ACCSL: variants seen among roughly 807,000 people sequenced by gnomAD.
The protein encoded by ACCSL is probable inactive 1-aminocyclopropane-1-carboxylate synthase-like protein 2.
ACCSL carries 55 observed loss-of-function variants against 61.7 expected under a neutral mutation model. The ratio of observed to expected loss-of-function variants is 0.89; its 90% confidence interval spans 0.72 to 1.12. ACCSL has a LOEUF of 1.12. ACCSL is among the 50% of genes most tolerant of loss of function. The probability of loss-of-function intolerance (pLI) is 0.00; values close to 1 mark genes in which losing one functional copy is unlikely to be tolerated. For synonymous variants in ACCSL, 258 were observed against 264.3 expected, an observed-to-expected ratio of 0.98 and a Z score of 0.23; for missense variants, 632 against 698.0, an observed-to-expected ratio of 0.91 and a Z score of 1.07.
the ACCSL span, among the ~76,000 whole-genome samples, chr11:43,926,790 C>T: frequency 6.6e-6 from 1 of 152,192 alleles, no homozygotes; most frequent in East Asian, 1.9e-4. Flanking sequence ...CACTCTTTTG[C>T]CCAGGTTGGA....
At chr11:44,048,680 A>G in intron 1 of ACCSL, 140 bp downstream of exon 1, 1 of 889,104 alleles carries the variant, frequency 1.1e-6, no homozygotes, top group Non-Finnish European at 1.7e-6. Context: ...CTTGCAGATA[A>G]GGGAATAATT....
chr11:43,938,099 AG>A, the ACCSL span, among the ~76,000 whole-genome samples: 1 of 152,158 alleles, frequency 6.6e-6, no homozygotes, highest in African/African-American at 2.4e-5. Flanking sequence ...AGCTGCAAGG[AG>A]AGTTGGGTCA....
the ACCSL span, chr11:43,973,743 G>GA: frequency 1.1e-4 from 16 of 152,172 alleles, no homozygotes; most frequent in African/African-American, 3.9e-4. Flanking sequence ...CTTAAAGAAT[G>GA]ATGATTTGGG....
the ACCSL span, chr11:43,942,590 T>G: frequency 3.2e-6 from 1 of 315,058 alleles, no homozygotes; most frequent in East Asian, 1.6e-4. Flanking sequence ...CAGAGCCGTG[T>G]GGGCAGCCGC....
chr11:44,044,854 A>G (rs1952589706), upstream of ACCSL, among the ~76,000 whole-genome samples: 1 of 152,156 alleles, frequency 6.6e-6, no homozygotes, highest in Non-Finnish European at 1.5e-5. Context: ...TACTGGGCTG[A>G]TCCTGGGATA....
At chr11:43,990,310 T>G in the ACCSL span, among the ~76,000 whole-genome samples, 3 of 152,318 alleles carry the variant, frequency 2.0e-5, no homozygotes, top group Admixed American at 2.0e-4. Context: ...ATCATAGTAA[T>G]TTATGTCTCA....
At chr11:43,940,210 G>A in the ACCSL span, among the ~76,000 whole-genome samples, 1 of 151,444 alleles carries the variant, frequency 6.6e-6, no homozygotes, top group East Asian at 2.0e-4. Flanking sequence ...CAACTCCTGA[G>A]CTTAAGTGAT....
At chr11:43,980,113 C>T in the ACCSL span, among the ~76,000 whole-genome samples, 19,324 of 152,174 alleles carry the variant, frequency 0.13, 1,271 homozygotes, top group South Asian at 0.16. Context: ...TCTCAGTCTT[C>T]CTTTCTTGGC....
chr11:44,054,578 T>C (rs1286900710), intron 8 of ACCSL, among the ~76,000 whole-genome samples: 1 of 152,122 alleles, frequency 6.6e-6, no homozygotes, highest in Non-Finnish European at 1.5e-5. Context: ...TGCCTCAGCC[T>C]CCTGAGTAGC....
chr11:43,970,430 C>T, the ACCSL span, among the ~76,000 whole-genome samples: 6 of 152,064 alleles, frequency 3.9e-5, no homozygotes, highest in Non-Finnish European at 8.8e-5. Context: ...TCTCAAACTC[C>T]CAGACTCAAG....
chr11:43,960,892 C>G, the ACCSL span, among the ~76,000 whole-genome samples: 12 of 152,184 alleles, frequency 7.9e-5, no homozygotes, highest in Non-Finnish European at 1.3e-4. Flanking sequence ...GATCTTGGCT[C>G]ACTGCAACCT....
chr11:44,048,656 G>A, intron 1 of ACCSL, 116 bp downstream of exon 1: 1 of 1,057,066 alleles, frequency 9.5e-7, no homozygotes, highest in Non-Finnish European at 1.4e-6. Context: ...TTATGAAACG[G>A]GCACTCTTGT....
chr11:43,934,738 G>A, the ACCSL span, among the ~76,000 whole-genome samples: 2 of 152,174 alleles, frequency 1.3e-5, no homozygotes, highest in African/African-American at 4.8e-5. Flanking sequence ...CCAGGGAAAA[G>A]CAGAGGAGGA....
At chr11:43,965,023 C>G in the ACCSL span, among the ~76,000 whole-genome samples, 4 of 152,198 alleles carry the variant, frequency 2.6e-5, no homozygotes, top group African/African-American at 9.6e-5. Context: ...CCTCTAAGAT[C>G]AGGAACAAGA....
At position 44,048,012 on chromosome 11, in the gene ACCSL, A is replaced by G; in HGVS notation, c.-25A>G. On this transcript the variant is annotated 5_prime_UTR_variant, in exon 1 of 14. Transcript: ENST00000378832. Reference sequence around the variant, plus strand: ...TCTCCATAGGTGCCAGGCAGCCTTCAGAGGCCAGTAAAGATACCCGGAGTA... The same window carrying G: ...TCTCCATAGGTGCCAGGCAGCCTTCGGAGGCCAGTAAAGATACCCGGAGTA... 1 of 1,593,532 alleles carries G rather than the reference A, an allele frequency of 6.3e-7. No individual in the cohort carries two copies. The highest frequency in any genetic ancestry group is 1.7e-4 in the Middle Eastern group (1 of 5,996).
the ACCSL span, among the ~76,000 whole-genome samples, chr11:44,002,515 A>G: frequency 0.011 from 1,676 of 152,244 alleles, 39 homozygotes; most frequent in African/African-American, 0.038. Flanking sequence ...GGATGGCCAA[A>G]GTCATCCCTG....
At chr11:44,040,876 G>A in the ACCSL span, among the ~76,000 whole-genome samples, 3 of 152,148 alleles carry the variant, frequency 2.0e-5, no homozygotes, top group East Asian at 5.8e-4. Flanking sequence ...AGGCCTTAAG[G>A]AGGAATGTTT....
At chr11:44,050,155 C>T (rs772178609) in intron 2 of ACCSL, 34 bp downstream of exon 2, 1 of 1,575,882 alleles carries the variant, frequency 6.3e-7, no homozygotes, top group East Asian at 2.2e-5. Context: ...GGGACCCACC[C>T]CTTCAAGGCT....
chr11:44,003,007 G>A, the ACCSL span, among the ~76,000 whole-genome samples: 1 of 152,150 alleles, frequency 6.6e-6, no homozygotes, highest in East Asian at 1.9e-4. Context: ...CATTCGTGAT[G>A]TTTCATTGCT....
Sources: allele counts gnomAD v4.1 joint callset (sites outside exome capture counted in the v4.1 genomes callset), GRCh38; gene constraint gnomAD v4.1.1; transcripts MANE v1.5; gene names NCBI Gene and HGNC (gene_info 2026-07-23, HGNC 2026-07-21).